DMD: variants seen among roughly 807,000 people sequenced by gnomAD.
The protein encoded by DMD is dystrophin, also known as mutant dystrophin.
A neutral mutation model predicts 330.1 loss-of-function variants in DMD; 63 were observed. The ratio of observed to expected loss-of-function variants is 0.19; its 90% CI spans 0.16 to 0.24. The LOEUF (loss-of-function observed/expected upper bound fraction) is 0.24, where lower values mean the gene tolerates loss of function less well. DMD is among the 10% of genes least tolerant of loss of function. DMD has a pLI of 1.00. For missense variants in DMD, 3,344 were observed against 2,684.1 expected, an observed-to-expected ratio of 1.25 and a Z score of -5.43; for synonymous variants, 1,223 against 959.8, an observed-to-expected ratio of 1.27 and a Z score of -5.07.
At chrX:32,943,075 CA>C (rs1402018401) in intron 2 of DMD, among the ~76,000 whole-genome samples, 1 of 111,103 alleles carries the variant, frequency 9.0e-6, no homozygotes, top group East Asian at 2.8e-4. Flanking sequence ...ATGAGAAAAT[CA>C]AGAATTAGAG....
At chrX:31,529,783 T>C (rs761319062) in intron 55 of DMD, among the ~76,000 whole-genome samples, 2 of 110,208 alleles carry the variant, frequency 1.8e-5, no homozygotes, top group Non-Finnish European at 3.8e-5. Flanking sequence ...AGAGGGCCAA[T>C]AACAAAATGC....
chrX:31,917,306 C>T (rs1402311849), intron 47 of DMD, among the ~76,000 whole-genome samples: 2 of 112,042 alleles, frequency 1.8e-5, no homozygotes, highest in South Asian at 3.7e-4. Context: ...ACCAATCTTA[C>T]CATAGGCTAA....
At chrX:31,384,257 G>A (rs140069272) in intron 60 of DMD, among the ~76,000 whole-genome samples, 1,344 of 110,846 alleles carry the variant, frequency 0.012, 26 homozygotes, top group African/African-American at 0.041. Flanking sequence ...GCACCGAAGC[G>A]GCTATGCAGT....
At chrX:31,210,588 T>C (rs2148600449) in intron 64 of DMD, among the ~76,000 whole-genome samples, 1 of 112,364 alleles carries the variant, frequency 8.9e-6, no homozygotes, top group African/African-American at 3.2e-5. Flanking sequence ...ACATTGCTTT[T>C]ATACTACCTT....
At chrX:31,661,805 C>T (rs1437323636) in intron 53 of DMD, among the ~76,000 whole-genome samples, 3 of 111,744 alleles carry the variant, frequency 2.7e-5, no homozygotes, top group Non-Finnish European at 5.6e-5. Context: ...GTTTCCCCAA[C>T]CAGGAAAGAA....
At chrX:31,479,653 C>A (rs1008955838) in intron 57 of DMD, among the ~76,000 whole-genome samples, 5 of 112,374 alleles carry the variant, frequency 4.4e-5, no homozygotes, top group African/African-American at 9.7e-5. Context: ...ATAGTCATTA[C>A]ATCATCCATT....
chrX:32,694,714 T>G (rs767651589), intron 9 of DMD, among the ~76,000 whole-genome samples: 1 of 112,010 alleles, frequency 8.9e-6, no homozygotes, highest in Non-Finnish European at 1.9e-5. Context: ...TGTAGTGCAA[T>G]GGCATGATTT....
chrX:32,472,070 G>T (rs1383148985), intron 22 of DMD, 94 bp downstream of exon 22: 9 of 1,080,956 alleles, frequency 8.3e-6, no homozygotes, highest in Non-Finnish European at 1.1e-5. Context: ...ATACTTGTCA[G>T]AATGACTTAA....
intron 30 of DMD, among the ~76,000 whole-genome samples, chrX:32,392,561 G>A (rs1258858489): frequency 3.6e-5 from 4 of 111,431 alleles, no homozygotes; most frequent in South Asian, 3.8e-4. Flanking sequence ...TGCCCAGCCC[G>A]TAGATAGCAT....
intron 71 of DMD, among the ~76,000 whole-genome samples, chrX:31,174,610 A>C (rs920986791): frequency 2.7e-5 from 3 of 111,574 alleles, no homozygotes; most frequent in Non-Finnish European, 3.8e-5. Flanking sequence ...ATAAATCCAA[A>C]AGTCAACGAT....
intron 7 of DMD, among the ~76,000 whole-genome samples, chrX:32,793,431 T>A (rs1445387942): frequency 1.8e-5 from 2 of 108,329 alleles, no homozygotes; most frequent in African/African-American, 6.7e-5. Context: ...ATGAAAATCC[T>A]AAAAATTGAG....
At chrX:32,574,285 C>T (rs1014503463) in intron 13 of DMD, among the ~76,000 whole-genome samples, 3 of 111,934 alleles carry the variant, frequency 2.7e-5, no homozygotes, top group Non-Finnish European at 1.9e-5. Context: ...TGAGAATTGC[C>T]TACCATTTGG....
rs147616856 is a variant in DMD at position 32,774,273 on chromosome X, G to A, written c.649+35220C>T. 2.9e-3 allele frequency among the ~76,000 whole-genome samples: 319 copies of A among 111,926 alleles called. 1 individual carries two copies. In the East Asian group the frequency reaches 0.044, roughly 16 times the overall value. Reference sequence around the variant, plus strand: ...TCTTTCAAGTAATGGGACTAAGACCGGAGGGAAAGAAACAATTCGTAAGAT... The same window carrying A: ...TCTTTCAAGTAATGGGACTAAGACCAGAGGGAAAGAAACAATTCGTAAGAT... On this transcript the variant is annotated intron_variant, in intron 7 of 78. Transcript: ENST00000357033.
At chrX:31,705,075 T>G (rs914261346) in intron 52 of DMD, among the ~76,000 whole-genome samples, 3 of 112,124 alleles carry the variant, frequency 2.7e-5, no homozygotes, top group Non-Finnish European at 5.6e-5. Context: ...TCAACCTCAG[T>G]GCAATGGGAA....
chrX:32,487,975 G>T (rs1270582892), intron 20 of DMD, among the ~76,000 whole-genome samples: 9 of 111,366 alleles, frequency 8.1e-5, no homozygotes, highest in African/African-American at 2.9e-4. Context: ...CATCTACTGT[G>T]AACCATTAAG....
rs1243013801 is a variant in DMD, at chrX:31,837,439, G to T, written c.7099-620C>A. Among the ~76,000 whole-genome samples, 53 of 111,693 alleles carry T rather than the reference G, an allele frequency of 4.7e-4. 3 individuals carry two copies. ...AAGCATGACAAAAAAAAATCCTTCA[G>T]GTATATGAATATAAGCATTTTGTTA... is the stretch of plus-strand genomic sequence containing the variant. On this transcript the variant is annotated intron_variant, in intron 48 of 78. Transcript: ENST00000357033.
intron 44 of DMD, among the ~76,000 whole-genome samples, chrX:32,056,193 T>C (rs938603363): frequency 3.1e-4 from 34 of 110,230 alleles, no homozygotes; most frequent in Admixed American, 8.8e-4. Flanking sequence ...AAGAAAGTCA[T>C]GTCCTTGCCA....
intron 41 of DMD, among the ~76,000 whole-genome samples, chrX:32,317,696 A>G (rs1603630618): frequency 9.0e-6 from 1 of 111,554 alleles, no homozygotes; most frequent in Non-Finnish European, 1.9e-5. Context: ...AAAATGTGCT[A>G]TATGACATAT....
intron 4 of DMD, among the ~76,000 whole-genome samples, chrX:32,834,734 A>G (rs1472947315): frequency 8.9e-6 from 1 of 112,000 alleles, no homozygotes; most frequent in Non-Finnish European, 1.9e-5. Flanking sequence ...TAGACAATTG[A>G]TGAGCTGGTA....
Sources: gnomAD v4.1 joint callset for allele counts (sites outside exome capture counted in the v4.1 genomes callset) on GRCh38, gnomAD v4.1.1 for gene constraint, MANE v1.5 for transcripts, NCBI Gene and HGNC (gene_info 2026-07-23, HGNC 2026-07-21) for gene names.